PLXDC1: variants seen among roughly 807,000 people sequenced by gnomAD.
PLXDC1 encodes plexin domain containing 1.
In PLXDC1, 39 loss-of-function variants were observed where a neutral mutation model predicts 61.3. The ratio of observed to expected loss-of-function variants is 0.64; its 90% CI spans 0.49 to 0.83. PLXDC1 has a LOEUF of 0.83. Among genes scored for constraint, PLXDC1 ranks in the 40% least tolerant of loss-of-function variants. The pLI, the probability that PLXDC1 is intolerant of heterozygous loss-of-function variation, is 0.00. For synonymous variants in PLXDC1, 212 were observed against 254.5 expected (o/e 0.83, Z 1.59); for missense variants, 596 against 666.5 (o/e 0.89, Z 1.17).
At chr17:39,096,402 G>C (rs139195955) in intron 7 of PLXDC1, among the ~76,000 whole-genome samples, 1 of 152,196 alleles carries the variant, frequency 6.6e-6, no homozygotes, top group Admixed American at 6.5e-5. Context: ...TCCAACGAAG[G>C]GCACTTTAAA....
chr17:39,085,575 T>C (rs1226271961), intron 8 of PLXDC1, among the ~76,000 whole-genome samples: 3 of 152,160 alleles, frequency 2.0e-5, no homozygotes, highest in Non-Finnish European at 4.4e-5. Flanking sequence ...GCTCTTAGCC[T>C]TGAGGTCTCA....
intron 1 of PLXDC1, among the ~76,000 whole-genome samples, chr17:39,145,696 G>C (rs191961187): frequency 6.6e-6 from 1 of 152,094 alleles, no homozygotes; most frequent in South Asian, 2.1e-4. Context: ...GAGATACACC[G>C]AACTGGAAAC....
At chr17:39,152,627 G>A, upstream of PLXDC1, 1 of 1,246,510 alleles carries the variant, frequency 8.0e-7, no homozygotes, top group Non-Finnish European at 1.0e-6. Context: ...TAGTGGGCTG[G>A]GGCCTAGGGA....
rs1219091403 is a variant in PLXDC1 at position 39,128,129 on chromosome 17, GTA to G, written c.255+11523_255+11524del. On this transcript the variant is annotated intron_variant, in intron 2 of 13. Coordinates refer to ENST00000315392, the MANE Select transcript of PLXDC1 (RefSeq NM_020405.5). ...TATATATATATGTATATATATATGT[GTA>G]TATATATGTATATATATGTGTGTAT... Among the ~76,000 whole-genome samples, 35 of 52,578 alleles carry G rather than the reference GTA, an allele frequency of 6.7e-4. 2 individuals carry two copies. Among genetic ancestry groups the G allele is most frequent in the East Asian group, 1.9e-3 (2 of 1,080 alleles). 34.5% of individuals were successfully genotyped at this position (52,578 alleles called of 152,430 possible).
intron 1 of PLXDC1, among the ~76,000 whole-genome samples, chr17:39,149,837 C>T (rs1023589597): frequency 1.3e-5 from 2 of 152,166 alleles, no homozygotes; most frequent in African/African-American, 4.8e-5. Context: ...CTCTGTTACA[C>T]CCAGAGTTCA....
rs117264906 is a variant in PLXDC1, at chr17:39,087,045, C to T, written c.907+562G>A. Among the ~76,000 whole-genome samples, 965 of 152,232 alleles carry T rather than the reference C, an allele frequency of 6.3e-3. 6 individuals are homozygous for T. The highest frequency in any genetic ancestry group is 0.032 in the East Asian group (163 of 5,168). On this transcript the variant is annotated intron_variant, in intron 8 of 13. Coordinates refer to ENST00000315392, the MANE Select transcript of PLXDC1 (RefSeq NM_020405.5). The stretch of plus-strand genomic sequence containing the variant: ...AGTCTCAGCTGTCCCAGCCCCATCC[C>T]GAAGAGCATCCACCGCGGATCCTGT...
At chr17:39,129,678 AGG>A (rs59486186) in intron 2 of PLXDC1, among the ~76,000 whole-genome samples, 1 of 132,678 alleles carries the variant, frequency 7.5e-6, no homozygotes, top group African/African-American at 2.8e-5. Flanking sequence ...AGAGAGAGAG[AGG>A]GAGAAAGAAA....
intron 1 of PLXDC1, among the ~76,000 whole-genome samples, chr17:39,142,766 TC>T (rs1273479999): frequency 6.6e-6 from 1 of 152,236 alleles, no homozygotes; most frequent in African/African-American, 2.4e-5. Context: ...ACTCCTGGGC[TC>T]TAGCGGTCCT....
chr17:39,083,373 G>C (rs937788653), intron 9 of PLXDC1, 86 bp downstream of exon 9: 3 of 962,428 alleles, frequency 3.1e-6, no homozygotes, highest in East Asian at 2.6e-5. Context: ...GCTGACTGTG[G>C]GCAGTGAGGC....
At chr17:39,118,438 A>G (rs1911061933) in intron 2 of PLXDC1, among the ~76,000 whole-genome samples, 1 of 152,116 alleles carries the variant, frequency 6.6e-6, no homozygotes, top group Admixed American at 6.6e-5. Context: ...TCCTGACCTC[A>G]GGTGATCCAC....
chr17:39,092,178 A>G (rs62076621), intron 7 of PLXDC1, among the ~76,000 whole-genome samples: 49,686 of 151,776 alleles, frequency 0.33, 8,639 homozygotes, highest in Admixed American at 0.44. Context: ...TCCCAGGCTC[A>G]GTAATCCTGC....
Position 39,117,251 on chromosome 17 carries a change from A to G in PLXDC1, c.256-7860T>C, listed in dbSNP as rs144237062. Among the ~76,000 whole-genome samples, 121 of 152,328 alleles carry G rather than the reference A, an allele frequency of 7.9e-4. 3 individuals are homozygous for G. The East Asian group carries it at 0.02, about 26-fold the overall frequency. ...CCACTGAATGAACACGTGTGCTTCA[A>G]GATGGCAGGGTCAACCTGGGTCCCC... is the stretch of plus-strand genomic sequence containing the variant. On this transcript the variant is annotated intron_variant, in intron 2 of 13. Coordinates refer to ENST00000315392, the MANE Select transcript of PLXDC1 (RefSeq NM_020405.5).
In PLXDC1 at chr17:39,105,838, G is replaced by A. The variant is rs749620587; in HGVS notation, c.811+16C>T. The A allele has an allele frequency of 1.5e-5, 24 of 1,567,256 alleles. No individual in the cohort carries two copies. Among genetic ancestry groups the A allele is most frequent in the Non-Finnish European group, 2.1e-5 (24 of 1,138,630 alleles). On this transcript the variant is annotated intron_variant, in intron 7 of 13. Coordinates refer to ENST00000315392, the MANE Select transcript of PLXDC1 (RefSeq NM_020405.5). ...CTACCCCCATCAAGGCCTCTGCGGG[G>A]TCCCTGAAGACTCACCTGGCACATC...
rs1213213801 is a variant in PLXDC1, at chr17:39,128,088, T to TATGTATATATATATATATATATATA, written c.255+11565_255+11566insTATATATATATATATATATATACAT. On this transcript the variant is annotated intron_variant, in intron 2 of 13. Transcript: ENST00000315392. ...CTCTGTCTCTCTCTCTCTCTCTCTC[T>TATGTATATATATATATATATATATA]CTCTATGTGTATATATATATATATA... 1.9e-3 allele frequency among the ~76,000 whole-genome samples: 195 copies of TATGTATATATATATATATATATATA among 104,674 alleles called. 12 individuals carry two copies. The East Asian group carries it at 0.021, about 11-fold the overall frequency. 68.7% of individuals were successfully genotyped at this position (104,674 alleles called of 152,430 possible).
intron 7 of PLXDC1, among the ~76,000 whole-genome samples, chr17:39,098,055 A>G (rs1434121973): frequency 1.3e-5 from 2 of 151,710 alleles, no homozygotes; most frequent in Non-Finnish European, 2.9e-5. Flanking sequence ...AAATACAAAA[A>G]TTAGTCAGGC....
chr17:39,129,733 G>GAAAGAAAGAAAGAAAGAAAGAAAGA lies in PLXDC1; in HGVS notation c.255+9920_255+9921insTCTTTCTTTCTTTCTTTCTTTCTTT, dbSNP rs1555573394. On this transcript the variant is annotated intron_variant, in intron 2 of 13. Coordinates refer to ENST00000315392, the MANE Select transcript of PLXDC1 (RefSeq NM_020405.5). The stretch of plus-strand genomic sequence containing the variant: ...GAAGGAAAGAAAGAAAGAAAGAAAA[G>GAAAGAAAGAAAGAAAGAAAGAAAGA]AAAGAAAGGAAAGAAAAGCAAGAAA... 1.4e-3 allele frequency among the ~76,000 whole-genome samples: 188 copies of GAAAGAAAGAAAGAAAGAAAGAAAGA among 130,560 alleles called. 4 individuals carry two copies. Among genetic ancestry groups the GAAAGAAAGAAAGAAAGAAAGAAAGA allele is most frequent in the South Asian group, 0.013 (50 of 3,936 alleles). 85.7% of individuals were successfully genotyped at this position (130,560 alleles called of 152,430 possible).
At chr17:39,119,263 C>T (rs1911083329) in intron 2 of PLXDC1, among the ~76,000 whole-genome samples, 1 of 152,136 alleles carries the variant, frequency 6.6e-6, no homozygotes, top group Non-Finnish European at 1.5e-5. Context: ...AGAGGAAAAA[C>T]CTCCAGGGTG....
In PLXDC1 at chr17:39,069,706, G is replaced by A. The variant is rs1276044178; in HGVS notation, c.1383+150C>T. 5 of 636,128 alleles carry A rather than the reference G, an allele frequency of 7.9e-6. No homozygotes were observed. The East Asian group carries it at 1.4e-4, about 17-fold the overall frequency. 39.4% of individuals were successfully genotyped at this position (636,128 alleles called of 1,614,324 possible). ...AGGGTGCAGGACTTAACGGGCGCCA[G>A]CCATCTCGAAATGTGCCAGGATGGG... is the stretch of plus-strand genomic sequence containing the variant. On this transcript the variant is annotated intron_variant, in intron 13 of 13. Coordinates refer to ENST00000315392, the MANE Select transcript of PLXDC1 (RefSeq NM_020405.5).
chr17:39,063,356 A>G lies in PLXDC1; in HGVS notation c.*4484T>C. The G allele has an allele frequency of 1.5e-6, 1 of 649,376 alleles. No homozygotes were observed. Among genetic ancestry groups the G allele is most frequent in the Non-Finnish European group, 2.8e-6 (1 of 362,318 alleles). 40.2% of individuals were successfully genotyped at this position (649,376 alleles called of 1,614,324 possible). On this transcript the variant is annotated 3_prime_UTR_variant, in exon 14 of 14. Transcript: ENST00000315392. ...GTATGTCCTCAGACAGTAGATAAAA[A>G]TGCATGGGGTTTACTTCCAGGGATT... is the stretch of plus-strand genomic sequence containing the variant.
Sources: gnomAD v4.1 joint callset for allele counts (sites outside exome capture counted in the v4.1 genomes callset) on GRCh38, gnomAD v4.1.1 for gene constraint, MANE v1.5 for transcripts, NCBI Gene and HGNC (gene_info 2026-07-23, HGNC 2026-07-21) for gene names.